The following DLGAP2 variants were observed in gnomAD, a reference collection of about 807,000 sequenced individuals.
The protein encoded by DLGAP2 is disks large-associated protein 2.
Under a neutral mutation model 100.3 loss-of-function variants are expected in DLGAP2, and 26 were observed. That is an observed-to-expected ratio of 0.26 (90% CI 0.19 to 0.36). DLGAP2 has a LOEUF of 0.36. DLGAP2 is among the 10% of genes least tolerant of loss of function. DLGAP2 has a pLI of 1.00. For synonymous variants in DLGAP2, 886 were observed against 630.1 expected, an observed-to-expected ratio of 1.41 and a Z score of -6.08; for missense variants, 1,858 against 1,453.2, an observed-to-expected ratio of 1.28 and a Z score of -4.53.
At chr8:1,317,286 C>T (rs1240024550) in intron 3 of DLGAP2, among the ~76,000 whole-genome samples, 1 of 137,386 alleles carries the variant, frequency 7.3e-6, no homozygotes, top group Non-Finnish European at 1.5e-5. Flanking sequence ...GGTCTACACT[C>T]GAGAAACTCG....
At chr8:1,443,176 A>T (rs117389749) in intron 3 of DLGAP2, among the ~76,000 whole-genome samples, 1 of 152,202 alleles carries the variant, frequency 6.6e-6, no homozygotes, top group African/African-American at 2.4e-5. Flanking sequence ...CTTAGAAAAC[A>T]TAGATCAACA....
chr8:1,284,770 C>T (rs1799889375), intron 3 of DLGAP2, among the ~76,000 whole-genome samples: 2 of 152,178 alleles, frequency 1.3e-5, no homozygotes, highest in African/African-American at 4.8e-5. Context: ...TGCCACCACG[C>T]CCAGCTAATT....
chr8:1,356,073 C>T (rs1342067402), intron 3 of DLGAP2, among the ~76,000 whole-genome samples: 5 of 152,354 alleles, frequency 3.3e-5, no homozygotes, highest in Middle Eastern at 3.4e-3. Flanking sequence ...CCTCACACTA[C>T]GCCAGCCAGT....
chr8:1,539,362 G>T (rs1051120430), intron 4 of DLGAP2, among the ~76,000 whole-genome samples: 1 of 152,142 alleles, frequency 6.6e-6, no homozygotes, highest in South Asian at 2.1e-4. Flanking sequence ...TGAGGACTCC[G>T]AAGAGGAAAA....
intron 6 of DLGAP2, among the ~76,000 whole-genome samples, chr8:1,582,543 C>A (rs1046956708): frequency 2.0e-5 from 3 of 150,954 alleles, no homozygotes; most frequent in Non-Finnish European, 4.4e-5. Flanking sequence ...TAGGGAAATT[C>A]ATTGCTAGCA....
intron 1 of DLGAP2, among the ~76,000 whole-genome samples, chr8:770,553 T>G (rs1374099306): frequency 6.6e-6 from 1 of 152,230 alleles, no homozygotes; most frequent in Non-Finnish European, 1.5e-5. Flanking sequence ...AGCTGATTTC[T>G]GTAATTCACT....
At chr8:1,341,145 T>C (rs191807674) in intron 3 of DLGAP2, among the ~76,000 whole-genome samples, 37 of 152,266 alleles carry the variant, frequency 2.4e-4, no homozygotes, top group African/African-American at 8.7e-4. Context: ...GGCTTAATAC[T>C]TGGGTGATGA....
At chr8:848,895 G>GCGGTGCCTGTTCCAGCATAGGAACGCA (rs1161677082) in intron 1 of DLGAP2, among the ~76,000 whole-genome samples, 5 of 136,550 alleles carry the variant, frequency 3.7e-5, no homozygotes, top group African/African-American at 7.7e-5. Context: ...ATAGGAACGC[G>GCGGTGCCTGTTCCAGCATAGGAACGCA]CGGTGCCTGT....
At chr8:1,432,062 C>G (rs1419811931) in intron 3 of DLGAP2, among the ~76,000 whole-genome samples, 1 of 151,910 alleles carries the variant, frequency 6.6e-6, no homozygotes, top group Non-Finnish European at 1.5e-5. Context: ...CCTGCCGGCA[C>G]CCAGCACCCC....
chr8:812,098 A>G (rs1306549784), intron 1 of DLGAP2, among the ~76,000 whole-genome samples: 1 of 152,194 alleles, frequency 6.6e-6, no homozygotes, highest in Non-Finnish European at 1.5e-5. Context: ...CCATCTCTGC[A>G]AGAGGGAGGG....
chr8:795,808 G>T (rs75601230), intron 1 of DLGAP2, among the ~76,000 whole-genome samples: 1 of 107,370 alleles, frequency 9.3e-6, no homozygotes. Flanking sequence ...ACAGGCGTCC[G>T]GTGAGAGCAG....
intron 2 of DLGAP2, among the ~76,000 whole-genome samples, chr8:1,050,324 G>A (rs572100168): frequency 6.6e-6 from 1 of 152,140 alleles, no homozygotes; most frequent in Non-Finnish European, 1.5e-5. Context: ...CTCTGCTTCT[G>A]TTTTTCACTT....
intron 1 of DLGAP2, among the ~76,000 whole-genome samples, chr8:893,312 A>C (rs1798074338): frequency 6.6e-6 from 1 of 152,230 alleles, no homozygotes; most frequent in South Asian, 2.1e-4. Flanking sequence ...CTAGGAAGGC[A>C]GGCACGGTGG....
At chr8:1,043,946 T>G (rs1802445332) in intron 2 of DLGAP2, among the ~76,000 whole-genome samples, 2 of 151,930 alleles carry the variant, frequency 1.3e-5, no homozygotes, top group African/African-American at 4.8e-5. Context: ...TGCAGTTGCT[T>G]GTGATGCTTT....
chr8:810,756 C>G (rs1460268060), intron 1 of DLGAP2, among the ~76,000 whole-genome samples: 1 of 152,210 alleles, frequency 6.6e-6, no homozygotes, highest in East Asian at 1.9e-4. Context: ...GTTCCTTCAT[C>G]TTATCCTGTG....
chr8:1,160,633 C>T (rs531302232), intron 2 of DLGAP2, among the ~76,000 whole-genome samples: 10 of 152,278 alleles, frequency 6.6e-5, no homozygotes, highest in East Asian at 1.9e-4. Context: ...GGCTGCTCTC[C>T]GCTGGGCCCC....
Position 1,364,499 on chromosome 8 carries a change from G to GGGT in DLGAP2, c.106+105618_106+105619insTGG, listed in dbSNP as rs1464744781. 4.6e-5 allele frequency among the ~76,000 whole-genome samples: 6 copies of GGGT among 129,198 alleles called. No individual in the cohort carries two copies. The East Asian group carries it at 7.4e-4, about 16-fold the overall frequency. The allele number at this position is 129,198 out of a possible 152,430, so 84.8% of individuals were successfully genotyped here. On this transcript the variant is annotated intron_variant, in intron 3 of 14. Coordinates refer to ENST00000637795, the MANE Select transcript of DLGAP2 (RefSeq NM_001346810.2). ...GGGAGGCGGGCGCCGGTCATGGGAA[G>GGGT]GGCGGGGGGGGTGCAGCGAAGCAGA... is the stretch of plus-strand genomic sequence containing the variant.
intron 2 of DLGAP2, among the ~76,000 whole-genome samples, chr8:1,207,994 G>C (rs1798030102): frequency 6.6e-6 from 1 of 152,014 alleles, no homozygotes; most frequent in South Asian, 2.1e-4. Flanking sequence ...AGTTTTTGAA[G>C]ATTTTCTCCC....
chr8:836,150 C>T (rs534137645), intron 1 of DLGAP2, among the ~76,000 whole-genome samples: 2 of 152,178 alleles, frequency 1.3e-5, no homozygotes, highest in African/African-American at 4.8e-5. Context: ...ATTTAGACAC[C>T]GAATCCTGCA....
Sources: gnomAD v4.1 joint callset for allele counts (sites outside exome capture counted in the v4.1 genomes callset) on GRCh38, gnomAD v4.1.1 for gene constraint, MANE v1.5 for transcripts, NCBI Gene and HGNC (gene_info 2026-07-23, HGNC 2026-07-21) for gene names.